The following TRAPPC8 variants were observed in gnomAD, a reference collection of about 807,000 sequenced individuals.
The protein encoded by TRAPPC8 is trafficking protein particle complex subunit 8.
In TRAPPC8, 54 loss-of-function variants were observed where a neutral mutation model predicts 174.3. The observed-to-expected ratio is 0.31, with a 90% CI of 0.25 to 0.39. The LOEUF (loss-of-function observed/expected upper bound fraction) is 0.39. TRAPPC8 is among the 10% of genes least tolerant of loss of function. The pLI is 1.00. For missense variants in TRAPPC8, 1,531 were observed against 1,699.1 expected (o/e 0.90, Z 1.74); for synonymous variants, 630 against 579.9 (o/e 1.09, Z -1.24).
At chr18:31,933,784 T>C (rs1017834110) in intron 1 of TRAPPC8, among the ~76,000 whole-genome samples, 3 of 150,548 alleles carry the variant, frequency 2.0e-5, no homozygotes, top group Admixed American at 1.3e-4. Context: ...ATGTGTTCTA[T>C]TGATTTCTAA....
chr18:31,839,562 G>A, intron 26 of TRAPPC8, 105 bp from the exon 27 acceptor site: 2 of 1,036,926 alleles, frequency 1.9e-6, no homozygotes, highest in East Asian at 2.7e-5. Context: ...CAGAGATAAT[G>A]TAATGCATGA....
At chr18:31,849,773 C>G in intron 24 of TRAPPC8, 34 bp from the exon 25 acceptor site, 3 of 1,531,900 alleles carry the variant, frequency 2.0e-6, no homozygotes, top group Non-Finnish European at 2.6e-6. Flanking sequence ...TTCATAAATG[C>G]TTTTAATTAT....
intron 11 of TRAPPC8, among the ~76,000 whole-genome samples, chr18:31,894,352 A>C (rs2036097437): frequency 6.6e-6 from 1 of 152,220 alleles, no homozygotes; most frequent in Admixed American, 6.5e-5. Flanking sequence ...GGATTTTTAC[A>C]AAGTGATGGT....
intron 18 of TRAPPC8, 52 bp downstream of exon 18, chr18:31,866,797 T>C (rs746578721): frequency 4.4e-6 from 7 of 1,586,254 alleles, no homozygotes; most frequent in Non-Finnish European, 2.6e-6. Context: ...TTTTATTCTA[T>C]GGAGTGATTT....
chr18:31,933,988 G>A (rs2037969446), intron 1 of TRAPPC8, among the ~76,000 whole-genome samples: 1 of 152,042 alleles, frequency 6.6e-6, no homozygotes, highest in South Asian at 2.1e-4. Context: ...AGGAGTTCGA[G>A]ACCAGCCTGG....
intron 10 of TRAPPC8, among the ~76,000 whole-genome samples, chr18:31,900,535 A>T (rs1420512498): frequency 6.6e-6 from 1 of 152,204 alleles, no homozygotes; most frequent in Non-Finnish European, 1.5e-5. Flanking sequence ...GTCTCCTCAT[A>T]GGTGGTGAGT....
intron 19 of TRAPPC8, 50 bp from the exon 20 acceptor site, chr18:31,858,032 C>A (rs767157041): frequency 6.8e-7 from 1 of 1,480,528 alleles, no homozygotes; most frequent in Non-Finnish European, 9.1e-7. Flanking sequence ...AAATTTTGAA[C>A]CTCTAATGAA....
At chr18:31,907,723 G>T in intron 8 of TRAPPC8, 113 bp from the exon 9 acceptor site, 1 of 887,058 alleles carries the variant, frequency 1.1e-6, no homozygotes, top group Non-Finnish European at 1.5e-6. Context: ...AACTAATGCT[G>T]TTTCAAAGAA....
chr18:31,931,643 T>A, intron 1 of TRAPPC8, 120 bp from the exon 2 acceptor site: 1 of 658,646 alleles, frequency 1.5e-6, no homozygotes, highest in Non-Finnish European at 2.4e-6. Flanking sequence ...CAATTCCAAG[T>A]GGAACGTTCT....
At chr18:31,847,339 A>T (rs1042818023) in intron 25 of TRAPPC8, among the ~76,000 whole-genome samples, 39 of 152,208 alleles carry the variant, frequency 2.6e-4, no homozygotes, top group Admixed American at 1.8e-3. Context: ...CTTTATCTAT[A>T]TTATAATACT....
chr18:31,927,676 T>C (rs1393986785), intron 2 of TRAPPC8, among the ~76,000 whole-genome samples: 1 of 152,182 alleles, frequency 6.6e-6, no homozygotes, highest in East Asian at 1.9e-4. Context: ...GCGCTGGGAT[T>C]AGAGGCCTGA....
intron 12 of TRAPPC8, among the ~76,000 whole-genome samples, chr18:31,881,774 A>T (rs975858909): frequency 6.6e-6 from 1 of 152,150 alleles, no homozygotes; most frequent in Non-Finnish European, 1.5e-5. Context: ...AGAATCTAAA[A>T]GTAACTTAAA....
At position 31,920,945 on chromosome 18, in the gene TRAPPC8, CAA is replaced by C. The variant is rs71177808; in HGVS notation, c.353-3280_353-3279del. On this transcript the variant is annotated intron_variant, in intron 2 of 28. Coordinates refer to ENST00000283351, the MANE Select transcript of TRAPPC8 (RefSeq NM_014939.5). ...AACGTGTTAGAGCGACACTCCGTCT[CAA>C]AAAAAAAAAAAAAAAAAAAAATTAG... Among the ~76,000 whole-genome samples the C allele has an allele frequency of 2.3e-3, 177 of 76,874 alleles. 1 individual carries two copies. Among genetic ancestry groups the C allele is most frequent in the African/African-American group, 7.4e-3 (159 of 21,512 alleles). The allele number at this position is 76,874 out of a possible 152,430, so 50.4% of individuals were successfully genotyped here. A position where few individuals can be genotyped will look rare whatever the true frequency, so the allele number is the denominator to read the frequency against.
intron 1 of TRAPPC8, among the ~76,000 whole-genome samples, chr18:31,933,450 CAT>C (rs2037941909): frequency 6.6e-6 from 1 of 152,206 alleles, no homozygotes; most frequent in Non-Finnish European, 1.5e-5. Context: ...TTCATCTGCA[CAT>C]GTGATTACTA....
chr18:31,935,911 GT>G (rs111347349), intron 1 of TRAPPC8, among the ~76,000 whole-genome samples: 2 of 150,990 alleles, frequency 1.3e-5, no homozygotes, highest in African/African-American at 2.4e-5. Context: ...AATTTTTTGT[GT>G]TTTTTTAGTA....
intron 1 of TRAPPC8, among the ~76,000 whole-genome samples, chr18:31,935,488 C>A (rs886424123): frequency 7.2e-6 from 1 of 138,986 alleles, no homozygotes; most frequent in Non-Finnish European, 1.5e-5. Context: ...GTGGAGGTTG[C>A]GGTGAGCCAA....
chr18:31,931,329 C>G lies in TRAPPC8; in HGVS notation c.352G>C (p.Ala118Pro), dbSNP rs2037836201. Residue 118 changes from alanine to proline, a missense_variant and splice_region_variant, in exon 2 of 29, where the codon GCC (alanine) becomes CCC (proline). Transcript: ENST00000283351. ...AATAACAATAAACCTTGTTACATAC[C>G]ACTGATGTTAAGGTCATAATCTCCT... is the stretch of plus-strand genomic sequence containing the variant. ...TAGDYDLNIS[A>P]TTPWFESYRE... 6.5e-7 allele frequency: 1 copy of G among 1,547,646 alleles called. No homozygotes were observed. Among genetic ancestry groups the G allele is most frequent in the African/African-American group, 1.4e-5 (1 of 72,312 alleles).
At chr18:31,936,288 A>G (rs895197373) in intron 1 of TRAPPC8, among the ~76,000 whole-genome samples, 3 of 151,382 alleles carry the variant, frequency 2.0e-5, no homozygotes, top group Non-Finnish European at 4.4e-5. Flanking sequence ...GCAAAACCCC[A>G]TCTCTACAAA....
intron 1 of TRAPPC8, among the ~76,000 whole-genome samples, chr18:31,934,744 G>C (rs975504973): frequency 4.6e-5 from 7 of 151,768 alleles, no homozygotes; most frequent in Admixed American, 3.3e-4. Context: ...GCACGTGCCT[G>C]TAATCCCAGC....
Sources: allele counts gnomAD v4.1 joint callset (sites outside exome capture counted in the v4.1 genomes callset), GRCh38; gene constraint gnomAD v4.1.1; transcripts MANE v1.5; gene names NCBI Gene and HGNC (gene_info 2026-07-23, HGNC 2026-07-21).